KCNH5: variants seen among roughly 807,000 people sequenced by gnomAD.
The protein encoded by KCNH5 is voltage-gated delayed rectifier potassium channel KCNH5.
A neutral mutation model predicts 96.1 loss-of-function variants in KCNH5; 46 were observed. That is an observed-to-expected ratio of 0.48 (90% CI 0.38 to 0.61). The LOEUF is 0.61. Among genes scored for constraint, KCNH5 ranks in the 20% least tolerant of loss-of-function variants. The pLI, the probability that KCNH5 is intolerant of heterozygous loss-of-function variation, is 0.00. For missense variants in KCNH5, 907 were observed against 1,225.8 expected, an observed-to-expected ratio of 0.74 and a Z score of 3.88; for synonymous variants, 439 against 449.8, an observed-to-expected ratio of 0.98 and a Z score of 0.30.
intron 9 of KCNH5, among the ~76,000 whole-genome samples, chr14:62,788,457 G>C (rs1886365034): frequency 6.6e-6 from 1 of 152,158 alleles, no homozygotes; most frequent in Non-Finnish European, 1.5e-5. Flanking sequence ...TGACAACAAA[G>C]TACTTATACT....
chr14:62,913,106 G>A (rs1889202773), intron 7 of KCNH5, among the ~76,000 whole-genome samples: 2 of 152,226 alleles, frequency 1.3e-5, no homozygotes, highest in Non-Finnish European at 2.9e-5. Flanking sequence ...GGGTAAGTTA[G>A]TGATTTGTCA....
chr14:62,881,519 C>T (rs1472211789), intron 7 of KCNH5, among the ~76,000 whole-genome samples: 1 of 152,058 alleles, frequency 6.6e-6, no homozygotes, highest in South Asian at 2.1e-4. Context: ...GAGAAATAAC[C>T]AATAGGTGCC....
At chr14:62,793,798 A>G (rs1204406417) in intron 9 of KCNH5, among the ~76,000 whole-genome samples, 1 of 151,852 alleles carries the variant, frequency 6.6e-6, no homozygotes, top group African/African-American at 2.4e-5. Flanking sequence ...TTTTGTGAGT[A>G]AGAGAGACAG....
At chr14:62,720,092 T>C (rs1884773596) in intron 10 of KCNH5, among the ~76,000 whole-genome samples, 1 of 152,046 alleles carries the variant, frequency 6.6e-6, no homozygotes, top group South Asian at 2.1e-4. Context: ...GGGGAGGTGA[T>C]ATTTGAGCGA....
chr14:62,902,340 T>C (rs1408694849), intron 7 of KCNH5, among the ~76,000 whole-genome samples: 5 of 151,980 alleles, frequency 3.3e-5, no homozygotes, highest in Admixed American at 2.0e-4. Flanking sequence ...AGGATTCTTA[T>C]AGTTTGAGGT....
intron 7 of KCNH5, among the ~76,000 whole-genome samples, chr14:62,925,719 T>A (rs1376279830): frequency 1.3e-5 from 2 of 152,084 alleles, no homozygotes; most frequent in East Asian, 3.9e-4. Context: ...ACAGTCTGGA[T>A]CATAAGACCA....
intron 8 of KCNH5, among the ~76,000 whole-genome samples, chr14:62,845,415 A>G (rs1039986163): frequency 2.0e-5 from 3 of 150,018 alleles, no homozygotes; most frequent in African/African-American, 7.6e-5. Context: ...TATGGCATAG[A>G]TAGATAATTG....
rs181889847 is a variant in KCNH5 at position 62,842,923 on chromosome 14, T to C, written c.1569+6730A>G. ...GTAAATGAGATGTAATATATAATAG[T>C]ACTCCAAATCATTCAGACACAATCA... is the stretch of plus-strand genomic sequence containing the variant. On this transcript the variant is annotated intron_variant, in intron 8 of 10. Transcript: ENST00000322893. Among the ~76,000 whole-genome samples, 703 of 152,336 alleles carry C rather than the reference T, an allele frequency of 4.6e-3. 3 individuals carry two copies. Among genetic ancestry groups the C allele is most frequent in the South Asian group, 0.025 (121 of 4,830 alleles).
At chr14:62,755,626 G>A (rs1279470273) in intron 10 of KCNH5, among the ~76,000 whole-genome samples, 12 of 151,680 alleles carry the variant, frequency 7.9e-5, no homozygotes, top group Non-Finnish European at 1.3e-4. Context: ...AAGATGCATC[G>A]AAAAAAGAAA....
chr14:62,713,057 A>G (rs532691904), intron 10 of KCNH5, among the ~76,000 whole-genome samples: 2 of 152,340 alleles, frequency 1.3e-5, no homozygotes, highest in South Asian at 4.1e-4. Context: ...TTACGAGAAT[A>G]GGGATTTCTG....
chr14:62,920,392 G>C (rs1424163781), intron 7 of KCNH5, among the ~76,000 whole-genome samples: 2 of 152,084 alleles, frequency 1.3e-5, no homozygotes, highest in African/African-American at 4.8e-5. Flanking sequence ...GAACCTTTCA[G>C]GTTAAAGCAG....
chr14:62,739,103 A>C (rs1266682839), intron 10 of KCNH5, among the ~76,000 whole-genome samples: 4 of 152,174 alleles, frequency 2.6e-5, no homozygotes, highest in African/African-American at 9.6e-5. Context: ...GTACAATATG[A>C]ATATTTAAGG....
chr14:62,769,891 A>C (rs1433087104), intron 10 of KCNH5, among the ~76,000 whole-genome samples: 1 of 152,234 alleles, frequency 6.6e-6, no homozygotes, highest in Non-Finnish European at 1.5e-5. Context: ...AAATGTAAAT[A>C]AGAAACCAAA....
intron 7 of KCNH5, among the ~76,000 whole-genome samples, chr14:62,936,607 G>GGAGGTTGCAGTGAGCT (rs1312799257): frequency 1.3e-5 from 2 of 150,746 alleles, no homozygotes; most frequent in East Asian, 4.0e-4. Flanking sequence ...CCTGGGAGGA[G>GGAGGTTGCAGTGAGCT]GAGGTTGCAG....
chr14:62,802,294 C>T (rs374987414), intron 9 of KCNH5, 35 bp downstream of exon 9: 27 of 1,594,088 alleles, frequency 1.7e-5, no homozygotes, highest in African/African-American at 6.7e-5. Context: ...ACTGTTACTA[C>T]GCATTTGCTA....
At chr14:63,029,115 A>G (rs538616223) in intron 1 of KCNH5, among the ~76,000 whole-genome samples, 193 of 152,288 alleles carry the variant, frequency 1.3e-3, no homozygotes, top group Non-Finnish European at 2.3e-3. Flanking sequence ...GAGGACAAAC[A>G]TGAAAACTGC....
chr14:62,934,607 C>T (rs969164947), intron 7 of KCNH5, among the ~76,000 whole-genome samples: 2 of 152,124 alleles, frequency 1.3e-5, no homozygotes, highest in African/African-American at 2.4e-5. Context: ...TTCCTAATGA[C>T]CCTTTTGCTA....
At chr14:62,996,762 G>C (rs1221089107) in intron 4 of KCNH5, among the ~76,000 whole-genome samples, 1 of 152,136 alleles carries the variant, frequency 6.6e-6, no homozygotes, top group East Asian at 1.9e-4. Flanking sequence ...AGGTTCAGCC[G>C]GTCAAAACTG....
chr14:63,010,191 A>G (rs1471276714), intron 2 of KCNH5, among the ~76,000 whole-genome samples: 1 of 152,202 alleles, frequency 6.6e-6, no homozygotes, highest in Admixed American at 6.5e-5. Flanking sequence ...GACCACTTAC[A>G]AAGTGGATAA....
Sources: allele counts gnomAD v4.1 joint callset (sites outside exome capture counted in the v4.1 genomes callset), GRCh38; gene constraint gnomAD v4.1.1; transcripts MANE v1.5; gene names NCBI Gene and HGNC (gene_info 2026-07-23, HGNC 2026-07-21).